Variants in GLP1R observed in about 807,000 individuals in gnomAD.
The protein encoded by GLP1R is glucagon-like peptide 1 receptor.
In GLP1R, 32 loss-of-function variants were observed where a neutral mutation model predicts 68.4. The observed-to-expected ratio is 0.47, with a 90% CI of 0.35 to 0.63. The LOEUF (loss-of-function observed/expected upper bound fraction) is 0.63, where lower values mean the gene tolerates loss of function less well. Among genes scored for constraint, GLP1R ranks in the 20% least tolerant of loss-of-function variants. GLP1R has a pLI of 0.00. For synonymous variants in GLP1R, 263 were observed against 244.4 expected, an observed-to-expected ratio of 1.08 and a Z score of -0.71; for missense variants, 502 against 594.9, an observed-to-expected ratio of 0.84 and a Z score of 1.62.
intron 1 of GLP1R, among the ~76,000 whole-genome samples, chr6:39,051,881 C>CTGTG (rs3831828): frequency 7.6e-6 from 1 of 131,934 alleles, no homozygotes; most frequent in Non-Finnish European, 1.5e-5. Context: ...GTGGGAGGGT[C>CTGTG]TGTGTGTGTG....
intron 4 of GLP1R, among the ~76,000 whole-genome samples, 161 bp downstream of exon 4, chr6:39,065,990 T>C (rs925286025): frequency 6.6e-6 from 1 of 152,162 alleles, no homozygotes; most frequent in Non-Finnish European, 1.5e-5. Flanking sequence ...ACAAAGGTGG[T>C]GTGTATTCAC....
At chr6:39,062,556 G>A (rs1673944312) in intron 3 of GLP1R, among the ~76,000 whole-genome samples, 1 of 152,210 alleles carries the variant, frequency 6.6e-6, no homozygotes, top group South Asian at 2.1e-4. Context: ...CTCCCAACTG[G>A]CTCTGAACAG....
At chr6:39,057,604 C>A (rs202238362) in intron 3 of GLP1R, 25 bp downstream of exon 3, 3 of 1,392,938 alleles carry the variant, frequency 2.2e-6, no homozygotes, top group Non-Finnish European at 2.0e-6. Flanking sequence ...CGACCTGGTA[C>A]CTGCCCTGGG....
chr6:39,068,498 A>G (rs1381673606), intron 5 of GLP1R, among the ~76,000 whole-genome samples: 1 of 151,830 alleles, frequency 6.6e-6, no homozygotes, highest in Non-Finnish European at 1.5e-5. Context: ...AGAAACCTCC[A>G]CTCTGCCTGG....
At chr6:39,068,838 C>A (rs1247312187) in intron 5 of GLP1R, among the ~76,000 whole-genome samples, 1 of 152,240 alleles carries the variant, frequency 6.6e-6, no homozygotes, top group Non-Finnish European at 1.5e-5. Context: ...ACATCTGGAC[C>A]TGAAAGATCT....
At chr6:39,078,269 T>C in intron 7 of GLP1R, 53 bp from the exon 8 acceptor site, 1 of 1,320,350 alleles carries the variant, frequency 7.6e-7, no homozygotes, top group South Asian at 1.2e-5. Flanking sequence ...GCATGTAGAC[T>C]GTGGCTCTGG....
chr6:39,055,011 G>T (rs1016287425), intron 1 of GLP1R, among the ~76,000 whole-genome samples: 2 of 152,190 alleles, frequency 1.3e-5, no homozygotes, highest in Admixed American at 1.3e-4. Context: ...CCTCAGAAGA[G>T]CTCTGTCCTT....
intron 7 of GLP1R, among the ~76,000 whole-genome samples, chr6:39,074,558 T>C (rs932443): frequency 0.34 from 51,582 of 151,664 alleles, 8,934 homozygotes; most frequent in East Asian, 0.36. Context: ...ATTGAATCCA[T>C]GAGTTTTCCT....
chr6:39,079,349 CT>C lies in GLP1R; in HGVS notation c.1043+151del. ...CAGGCCTGGCCTTGGACCCCAAACCCTTGCTTTTGCCCTGTCTCTGGGCAGC... is the reference window on the plus strand; with the variant it reads ...CAGGCCTGGCCTTGGACCCCAAACCCTGCTTTTGCCCTGTCTCTGGGCAGC... On this transcript the variant is annotated intron_variant, in intron 10 of 12. Transcript: ENST00000373256. This position sits in a 1 kb window ranked among gnomAD's most constrained non-coding sequence, Gnocchi z 4.5. 1.2e-6 allele frequency: 1 copy of C among 813,756 alleles called. No homozygotes were observed. The highest frequency in any genetic ancestry group is 2.0e-6 in the Non-Finnish European group (1 of 504,226). The allele number at this position is 813,756 out of a possible 1,614,324, so 50.4% of individuals were successfully genotyped here. A position where few individuals can be genotyped will look rare whatever the true frequency, so the allele number is the denominator to read the frequency against.
intron 1 of GLP1R, among the ~76,000 whole-genome samples, chr6:39,050,002 C>T (rs1768047714): frequency 6.6e-6 from 1 of 152,178 alleles, no homozygotes; most frequent in Non-Finnish European, 1.5e-5. Flanking sequence ...AGAACCATTG[C>T]CTTGGTGAGG....
chr6:39,065,622 C>A, intron 3 of GLP1R, 89 bp from the exon 4 acceptor site: 1 of 744,142 alleles, frequency 1.3e-6, no homozygotes, highest in Non-Finnish European at 2.3e-6. Context: ...CAGGGATAGC[C>A]CTCAGAATGG....
chr6:39,088,128 C>T lies in GLP1R; in HGVS notation c.*2055C>T, dbSNP rs1230100340. Among the ~76,000 whole-genome samples the T allele has an allele frequency of 6.6e-6, 1 of 152,126 alleles. No individual in the cohort carries two copies. The highest frequency in any genetic ancestry group is 1.5e-5 in the Non-Finnish European group (1 of 68,026). ...GGAAGCTCAAATCATTTAGTTTAAA[C>T]TGTAAGTAGAGTTGTCTTCCCAACG... On this transcript the variant is annotated 3_prime_UTR_variant, in exon 13 of 13. Transcript: ENST00000373256.
At position 39,051,522 on chromosome 6, in the gene GLP1R, G is replaced by A. The variant is rs1358559922; in HGVS notation, c.78+2604G>A. ...GGGTTTCCTCCTGGACAGGACCCAG[G>A]CTGGGGGCTGGGGCAGGAGCAACCA... On this transcript the variant is annotated intron_variant, in intron 1 of 12. Coordinates refer to ENST00000373256, the MANE Select transcript of GLP1R (RefSeq NM_002062.5). Among the ~76,000 whole-genome samples, 7 of 152,306 alleles carry A rather than the reference G, an allele frequency of 4.6e-5. No individual in the cohort carries two copies. In the South Asian group the frequency reaches 1.2e-3, roughly 27 times the overall value.
chr6:39,079,185 C>G lies in GLP1R; in HGVS notation c.1028C>G (p.Thr343Arg). The G allele has an allele frequency of 6.2e-7, 1 of 1,612,350 alleles. No individual in the cohort carries two copies. ...CTGAAGGCCAATCTCATGTGCAAGA[C>G]AGACATCAAATGCAGGTGATGTAAC... Reference protein sequence around the residue: ...SKLKANLMCKTDIKCRLAKST... With the variant: ...SKLKANLMCKRDIKCRLAKST... Residue 343 changes from threonine to arginine, a missense_variant, in exon 10 of 13, where the codon ACA becomes AGA. Coordinates refer to ENST00000373256, the MANE Select transcript of GLP1R (RefSeq NM_002062.5). This position sits in a 1 kb window ranked among gnomAD's most constrained non-coding sequence, Gnocchi z 4.5.
At chr6:39,053,177 T>C (rs1187346592) in intron 1 of GLP1R, among the ~76,000 whole-genome samples, 1 of 152,184 alleles carries the variant, frequency 6.6e-6, no homozygotes, top group African/African-American at 2.4e-5. Context: ...TGCTGCCTTG[T>C]GAGGGACAGG....
chr6:39,051,924 G>T (rs565597815), intron 1 of GLP1R, among the ~76,000 whole-genome samples: 194 of 151,390 alleles, frequency 1.3e-3, no homozygotes, highest in African/African-American at 4.5e-3. Context: ...TGTGTGAATG[G>T]GTGTCAACTA....
chr6:39,078,436 C>CCATG (rs1768894186), intron 8 of GLP1R, 54 bp downstream of exon 8: 2 of 1,208,614 alleles, frequency 1.7e-6, no homozygotes, highest in Non-Finnish European at 2.5e-6. Context: ...TCCTCAAGGT[C>CCATG]CATGGGATTC....
intron 5 of GLP1R, among the ~76,000 whole-genome samples, chr6:39,068,456 C>T (rs1023131155): frequency 8.5e-5 from 13 of 152,314 alleles, no homozygotes; most frequent in African/African-American, 3.1e-4. Flanking sequence ...GTAGCGGCCC[C>T]ACACCTGTGC....
chr6:39,074,580 T>C (rs1768764824), intron 7 of GLP1R, among the ~76,000 whole-genome samples: 1 of 151,816 alleles, frequency 6.6e-6, no homozygotes, highest in African/African-American at 2.4e-5. Context: ...TTCCACACCA[T>C]CCCCCGCCCT....
Sources: allele counts gnomAD v4.1 joint callset (sites outside exome capture counted in the v4.1 genomes callset), GRCh38; gene constraint gnomAD v4.1.1; non-coding constraint Gnocchi (gnomAD v3.1); transcripts MANE v1.5; gene names NCBI Gene and HGNC (gene_info 2026-07-23, HGNC 2026-07-21).